The following SPATA18 variants were observed in gnomAD, a reference collection of about 807,000 sequenced individuals.
The protein encoded by SPATA18 is spermatogenesis associated 18, also known as mitochondria-eating protein.
SPATA18 carries 54 observed loss-of-function variants against 68.1 expected under a neutral mutation model. That is an observed-to-expected ratio of 0.79 (90% CI 0.64 to 0.99). SPATA18 has a LOEUF of 0.99. Among genes scored for constraint, SPATA18 ranks in the 50% least tolerant of loss-of-function variants. The pLI is 0.00. For synonymous variants in SPATA18, 242 were observed against 244.8 expected (o/e 0.99, Z 0.11); for missense variants, 724 against 681.1 (o/e 1.06, Z -0.70).
At chr4:52,059,599 C>T (rs1479045683) in intron 1 of SPATA18, among the ~76,000 whole-genome samples, 1 of 152,240 alleles carries the variant, frequency 6.6e-6, no homozygotes, top group Non-Finnish European at 1.5e-5. Context: ...GATTTCACTT[C>T]CTCTTGGAAG....
chr4:52,084,816 A>G (rs1741272071), intron 10 of SPATA18, 100 bp from the exon 11 acceptor site: 1 of 1,152,314 alleles, frequency 8.7e-7, no homozygotes, highest in Admixed American at 1.9e-5. Context: ...GTAATCACAT[A>G]AGTAAAACTC....
chr4:52,072,200 C>A, intron 6 of SPATA18, 44 bp downstream of exon 6: 1 of 1,606,306 alleles, frequency 6.2e-7, no homozygotes, highest in African/African-American at 1.3e-5. Flanking sequence ...GCTCTTTTTG[C>A]TGAGTTAAGG....
chr4:52,060,960 T>C, intron 3 of SPATA18, 63 bp downstream of exon 3: 1 of 1,328,214 alleles, frequency 7.5e-7, no homozygotes, highest in East Asian at 2.3e-5. Context: ...ATCAGAAACC[T>C]CCAAGAGAAG....
At chr4:52,063,386 A>G (rs1206882102) in intron 4 of SPATA18, among the ~76,000 whole-genome samples, 1 of 152,168 alleles carries the variant, frequency 6.6e-6, no homozygotes, top group East Asian at 1.9e-4. Flanking sequence ...TACTCCAGAC[A>G]TTTTTCTTTG....
chr4:52,056,906 CA>C (rs548110611), intron 1 of SPATA18, among the ~76,000 whole-genome samples: 167 of 152,244 alleles, frequency 1.1e-3, no homozygotes, highest in African/African-American at 3.9e-3. Flanking sequence ...GAATAAAGCC[CA>C]AGACCCTTAA....
At chr4:52,054,063 A>G (rs747455024) in intron 1 of SPATA18, among the ~76,000 whole-genome samples, 3 of 152,222 alleles carry the variant, frequency 2.0e-5, no homozygotes, top group Non-Finnish European at 2.9e-5. Context: ...ATGCTGTCCA[A>G]TAGAACTTTC....
At chr4:52,068,850 G>T (rs1409960736) in intron 4 of SPATA18, among the ~76,000 whole-genome samples, 1 of 152,058 alleles carries the variant, frequency 6.6e-6, no homozygotes, top group East Asian at 1.9e-4. Flanking sequence ...TCTTCATTCA[G>T]TATCATCTAT....
At position 52,076,968 on chromosome 4, in the gene SPATA18, C is replaced by G. The variant is rs145203480; in HGVS notation, c.948C>G (p.Asp316Glu). 1 of 1,614,000 alleles carries G rather than the reference C, an allele frequency of 6.2e-7. No individual in the cohort carries two copies. The highest frequency in any genetic ancestry group is 8.5e-7 in the Non-Finnish European group (1 of 1,179,962). ...FSDSYSQARL[D>E]AQCLLRRCID... ...ATTCCTATTCCCAGGCCCGCCTGGA[C>G]GCGCAGTGCCTGCTGCGGCGCTGCA... is the stretch of plus-strand genomic sequence containing the variant. Residue 316 changes from aspartate (D) to glutamate (E), a missense_variant, in exon 7 of 13, where the codon GAC (aspartate) becomes GAG (glutamate). Transcript: ENST00000295213.
intron 1 of SPATA18, among the ~76,000 whole-genome samples, chr4:52,052,591 G>T (rs1737995830): frequency 1.3e-5 from 2 of 152,196 alleles, no homozygotes; most frequent in Admixed American, 1.3e-4. Flanking sequence ...CCAGGCAAAA[G>T]AACTGTGGAC....
At chr4:52,093,751 C>T (rs1279602622) in intron 11 of SPATA18, among the ~76,000 whole-genome samples, 1 of 152,182 alleles carries the variant, frequency 6.6e-6, no homozygotes, top group Non-Finnish European at 1.5e-5. Flanking sequence ...TGAGAATCCC[C>T]TATACCTTCT....
chr4:52,087,138 T>C (rs1351807292), intron 11 of SPATA18, among the ~76,000 whole-genome samples: 1 of 152,178 alleles, frequency 6.6e-6, no homozygotes, highest in Non-Finnish European at 1.5e-5. Context: ...TGTAAATTTG[T>C]TTAAGTTCTT....
chr4:52,062,394 A>C (rs1738949565), intron 4 of SPATA18, 62 bp downstream of exon 4: 1 of 1,195,858 alleles, frequency 8.4e-7, no homozygotes, highest in South Asian at 1.3e-5. Flanking sequence ...TTAAGTTTTA[A>C]ATTCGAAAGG....
intron 6 of SPATA18, among the ~76,000 whole-genome samples, chr4:52,072,903 AG>A (rs1739989044): frequency 6.6e-6 from 1 of 152,076 alleles, no homozygotes; most frequent in South Asian, 2.1e-4. Context: ...GTGTAGGTGA[AG>A]TGTTCTTGTG....
rs1740400309 is a variant in SPATA18, at chr4:52,076,838, G to A, written c.818G>A (p.Arg273Lys). 1 of 1,614,062 alleles carries A rather than the reference G, an allele frequency of 6.2e-7. No homozygotes were observed. The highest frequency in any genetic ancestry group is 1.7e-5 in the Admixed American group (1 of 60,004). The change falls in exon 7 of 13, where the codon AGA becomes AAA. Residue 273 changes from arginine (R) to lysine (K), a missense_variant. By Grantham distance (26) the Arg-to-Lys change is conservative (BLOSUM62 2). Coordinates refer to ENST00000295213, the MANE Select transcript of SPATA18 (RefSeq NM_145263.4). ...CGCAGCCGTAGCTGCAGCCGCAGCA[G>A]ATCTGCCAGCCCCTCCACCGCTGTC... ...APRSRSCSRS[R>K]SASPSTAVKV...
chr4:52,082,602 T>A (rs749826172), intron 10 of SPATA18, 92 bp downstream of exon 10: 3 of 1,609,734 alleles, frequency 1.9e-6, no homozygotes. Flanking sequence ...ATAAAAGAAG[T>A]TTATAAAGAG....
intron 1 of SPATA18, among the ~76,000 whole-genome samples, chr4:52,054,336 G>A (rs1738149569): frequency 1.3e-5 from 2 of 152,288 alleles, no homozygotes; most frequent in South Asian, 4.1e-4. Flanking sequence ...GAGTGAGATA[G>A]TAACATCCTC....
At position 52,051,718 on chromosome 4, in the gene SPATA18, T is replaced by C. The variant is rs1473443720; in HGVS notation, c.14T>C (p.Leu5Pro). MAEN[L>P]KRLVSNETLR... ...GAATAGTGAGCGATGGCGGAAAACC[T>C]GAAAAGACTGGTCTCAAACGAAACT... The change falls in exon 1 of 13, where the codon CTG (leucine) becomes CCG (proline). Residue 5 changes from leucine to proline, a missense_variant. Coordinates refer to ENST00000295213, the MANE Select transcript of SPATA18 (RefSeq NM_145263.4). 6.2e-7 allele frequency: 1 copy of C among 1,614,170 alleles called. No homozygotes were observed. The highest frequency in any genetic ancestry group is 8.5e-7 in the Non-Finnish European group (1 of 1,180,026).
intron 9 of SPATA18, 89 bp from the exon 10 acceptor site, chr4:52,082,298 T>C (rs1740996193): frequency 8.0e-7 from 1 of 1,252,412 alleles, no homozygotes; most frequent in African/African-American, 1.5e-5. Context: ...CTGAGCATAA[T>C]ACAAAATGAG....
At chr4:52,094,294 A>G (rs908006388) in intron 11 of SPATA18, among the ~76,000 whole-genome samples, 3 of 152,206 alleles carry the variant, frequency 2.0e-5, no homozygotes, top group Non-Finnish European at 2.9e-5. Flanking sequence ...TGAATTCAGT[A>G]TGGCTGCTCT....
Sources: allele counts gnomAD v4.1 joint callset (sites outside exome capture counted in the v4.1 genomes callset), GRCh38; gene constraint gnomAD v4.1.1; transcripts MANE v1.5; gene names NCBI Gene and HGNC (gene_info 2026-07-23, HGNC 2026-07-21).